The following CHD2 variants were observed in gnomAD, a reference collection of about 807,000 sequenced individuals.
CHD2 encodes the protein ATP-dependent chromatin remodeler CHD2.
CHD2 carries 28 observed loss-of-function variants against 243.9 expected under a neutral mutation model. The ratio of observed to expected loss-of-function variants is 0.11; its 90% CI spans 0.09 to 0.16. The LOEUF is 0.16. CHD2 is among the 10% of genes least tolerant of loss of function. The probability of loss-of-function intolerance (pLI) is 1.00; values close to 1 mark genes in which losing one functional copy is unlikely to be tolerated. For synonymous variants in CHD2, 775 were observed against 779.0 expected, an observed-to-expected ratio of 0.99 and a Z score of 0.09; for missense variants, 1,386 against 2,209.8, an observed-to-expected ratio of 0.63 and a Z score of 7.47.
intron 28 of CHD2, among the ~76,000 whole-genome samples, chr15:92,993,577 G>T (rs2054149470): frequency 1.0e-5 from 1 of 99,146 alleles, no homozygotes; most frequent in African/African-American, 3.1e-5. Context: ...AAAGCAAGAG[G>T]TATAGGAATG....
intron 28 of CHD2, among the ~76,000 whole-genome samples, 166 bp from the exon 29 acceptor site, chr15:92,996,791 C>T (rs1039762904): frequency 2.6e-5 from 4 of 152,110 alleles, no homozygotes; most frequent in African/African-American, 9.7e-5. Context: ...GGTTATTTTA[C>T]AGACATTAGT....
At chr15:92,992,798 A>C in intron 27 of CHD2, 61 bp from the exon 28 acceptor site, 1 of 1,591,342 alleles carries the variant, frequency 6.3e-7, no homozygotes, top group Non-Finnish European at 8.5e-7. Flanking sequence ...GTGGCATCTC[A>C]TGACACTTAA....
At chr15:92,947,156 A>C (rs1033170808) in intron 12 of CHD2, 1 of 152,222 alleles carries the variant, frequency 6.6e-6, no homozygotes, top group African/African-American at 2.4e-5. Flanking sequence ...TGGCACTAGA[A>C]TTCTATCTGT....
intron 14 of CHD2, among the ~76,000 whole-genome samples, chr15:92,955,096 A>G (rs1305466897): frequency 6.6e-6 from 1 of 152,204 alleles, no homozygotes; most frequent in African/African-American, 2.4e-5. Flanking sequence ...GAAATTTCTA[A>G]GGATCTGGGA....
At chr15:92,962,738 A>C (rs2053706778) in intron 16 of CHD2, among the ~76,000 whole-genome samples, 1 of 152,078 alleles carries the variant, frequency 6.6e-6, no homozygotes, top group African/African-American at 2.4e-5. Flanking sequence ...TTGAGAATGA[A>C]ATATTTTAAT....
intron 2 of CHD2, among the ~76,000 whole-genome samples, chr15:92,910,464 C>G (rs1039026586): frequency 2.0e-5 from 3 of 152,144 alleles, no homozygotes; most frequent in African/African-American, 7.2e-5. Context: ...GCCGTCTCAG[C>G]TCATTGCAAC....
At chr15:93,001,703 G>A (rs540615887) in intron 32 of CHD2, among the ~76,000 whole-genome samples, 1 of 152,066 alleles carries the variant, frequency 6.6e-6, no homozygotes, top group Non-Finnish European at 1.5e-5. Flanking sequence ...TTTTAGAAGA[G>A]ACAGGGTTTC....
chr15:92,948,855 G>A, intron 12 of CHD2, 97 bp from the exon 13 acceptor site: 1 of 1,408,054 alleles, frequency 7.1e-7, no homozygotes, highest in East Asian at 2.3e-5. Flanking sequence ...AGAAATTTGA[G>A]TTTTTATGCT....
At chr15:92,940,976 AATAT>A (rs1032993162) in intron 7 of CHD2, among the ~76,000 whole-genome samples, 1 of 50,540 alleles carries the variant, frequency 2.0e-5, no homozygotes, top group African/African-American at 5.5e-5. Flanking sequence ...TATAAATATA[AATAT>A]AAATATATAT....
chr15:92,948,358 ACT>A (rs2053503744), intron 12 of CHD2, among the ~76,000 whole-genome samples: 1 of 152,050 alleles, frequency 6.6e-6, no homozygotes, highest in Non-Finnish European at 1.5e-5. Flanking sequence ...AAAATAGGAG[ACT>A]CTGACTGCCA....
chr15:92,940,861 TATATAAAA>T (rs1387933074), intron 7 of CHD2, among the ~76,000 whole-genome samples: 1 of 122,486 alleles, frequency 8.2e-6, no homozygotes, highest in African/African-American at 2.8e-5. Context: ...AATATATAAA[TATATAAAA>T]ATATACATAT....
chr15:92,935,013 A>G (rs1191350298), intron 5 of CHD2, among the ~76,000 whole-genome samples: 1 of 149,812 alleles, frequency 6.7e-6, no homozygotes, highest in Non-Finnish European at 1.5e-5. Flanking sequence ...TTGATTTGCT[A>G]AGTTTTTTTT....
intron 34 of CHD2, 32 bp from the exon 35 acceptor site, chr15:93,009,113 G>GT: frequency 6.2e-7 from 1 of 1,607,888 alleles, no homozygotes; most frequent in South Asian, 1.1e-5. Flanking sequence ...TCTGCAGATT[G>GT]TTTATGTCTT....
intron 9 of CHD2, chr15:92,943,502 T>C (rs2053414950): frequency 5.8e-6 from 1 of 172,300 alleles, no homozygotes; most frequent in Non-Finnish European, 1.3e-5. Flanking sequence ...AGAGTTAATA[T>C]TCTGGAACTC....
At chr15:92,936,313 A>G (rs1308058107) in intron 5 of CHD2, among the ~76,000 whole-genome samples, 1 of 152,240 alleles carries the variant, frequency 6.6e-6, no homozygotes, top group Admixed American at 6.5e-5. Flanking sequence ...TGTCTTTAGT[A>G]TGACCTCATT....
intron 21 of CHD2, 143 bp downstream of exon 21, chr15:92,978,526 C>G (rs2053937522): frequency 1.2e-6 from 1 of 834,764 alleles, no homozygotes; most frequent in Admixed American, 2.9e-5. Flanking sequence ...TGTTAACTAG[C>G]ACAGAGATGT....
At chr15:92,971,736 A>G (rs761036581) in intron 17 of CHD2, 29 bp from the exon 18 acceptor site, 2 of 1,597,894 alleles carry the variant, frequency 1.3e-6, no homozygotes, top group Non-Finnish European at 1.7e-6. Flanking sequence ...TTTTGTATCT[A>G]GTAGTATCAT....
At chr15:92,905,049 G>T in intron 2 of CHD2, 1 of 1,490,762 alleles carries the variant, frequency 6.7e-7, no homozygotes, top group South Asian at 1.2e-5. Flanking sequence ...GATTCACAGT[G>T]GGATAGTTTA....
intron 24 of CHD2, among the ~76,000 whole-genome samples, chr15:92,983,910 T>C (rs1028371472): frequency 6.6e-6 from 1 of 152,228 alleles, no homozygotes; most frequent in Non-Finnish European, 1.5e-5. Flanking sequence ...CTTTGAGTTA[T>C]GCATTGTTTC....
Sources: gnomAD v4.1 joint callset for allele counts (sites outside exome capture counted in the v4.1 genomes callset) on GRCh38, gnomAD v4.1.1 for gene constraint, MANE v1.5 for transcripts, NCBI Gene and HGNC (gene_info 2026-07-23, HGNC 2026-07-21) for gene names.